TENM3: variants seen among roughly 807,000 people sequenced by gnomAD.
TENM3 encodes the protein teneurin-3.
TENM3 carries 63 observed loss-of-function variants against 255.1 expected under a neutral mutation model. The observed-to-expected ratio is 0.25, with a 90% CI of 0.20 to 0.30. The LOEUF is 0.30. Among genes scored for constraint, TENM3 ranks in the 10% least tolerant of loss-of-function variants. The pLI, the probability that TENM3 is intolerant of heterozygous loss-of-function variation, is 1.00. For missense variants in TENM3, 2,929 were observed against 3,461.1 expected (o/e 0.85, Z 3.86); for synonymous variants, 1,306 against 1,322.3 (o/e 0.99, Z 0.27).
intron 1 of TENM3, among the ~76,000 whole-genome samples, chr4:182,283,685 C>T (rs1760541786): frequency 1.3e-5 from 2 of 152,134 alleles, no homozygotes; most frequent in South Asian, 2.1e-4. Context: ...TAAAAAGAAG[C>T]GAATCCTTTG....
intron 1 of TENM3, among the ~76,000 whole-genome samples, chr4:182,197,934 G>A (rs1579679657): frequency 6.6e-6 from 1 of 152,136 alleles, no homozygotes; most frequent in Admixed American, 6.5e-5. Context: ...GTGAACCTGC[G>A]TCTCTACTAA....
chr4:181,618,980 C>A, the TENM3 span, among the ~76,000 whole-genome samples: 1 of 152,320 alleles, frequency 6.6e-6, no homozygotes, highest in Admixed American at 6.5e-5. Flanking sequence ...TGCTTGGCAT[C>A]CTGGAAGGCT....
At chr4:182,095,116 G>A in the TENM3 span, among the ~76,000 whole-genome samples, 4 of 152,168 alleles carry the variant, frequency 2.6e-5, no homozygotes, top group African/African-American at 4.8e-5. Context: ...AAACAGTATG[G>A]AGATTCCTCA....
chr4:182,773,292 A>G (rs979189145), intron 22 of TENM3, among the ~76,000 whole-genome samples, 180 bp from the exon 23 acceptor site: 4 of 152,158 alleles, frequency 2.6e-5, no homozygotes, highest in African/African-American at 9.7e-5. Context: ...AGGTTTTTCT[A>G]TGTTAAACGG....
intron 3 of TENM3, among the ~76,000 whole-genome samples, chr4:182,502,013 G>C (rs1480844520): frequency 6.6e-6 from 1 of 152,072 alleles, no homozygotes; most frequent in African/African-American, 2.4e-5. Context: ...GAAACCACTT[G>C]TGTGAAATCA....
chr4:181,842,104 T>C, the TENM3 span, among the ~76,000 whole-genome samples: 1 of 152,168 alleles, frequency 6.6e-6, no homozygotes, highest in South Asian at 2.1e-4. Flanking sequence ...TCTGATAACA[T>C]TTATAAGCAT....
In TENM3 at chr4:182,233,480, G is replaced by A. The variant is rs566282674; in HGVS notation, c.-76+88726G>A. 1.0e-3 allele frequency among the ~76,000 whole-genome samples: 159 copies of A among 152,332 alleles called. 2 individuals carry two copies. The highest frequency in any genetic ancestry group is 3.6e-3 in the African/African-American group (148 of 41,576). Reference sequence around the variant, plus strand: ...CAAATTTCTGAAATGCAACCTGTTCGTAAGTTGTGGCTTGCCTGCATTTAA... The same window carrying A: ...CAAATTTCTGAAATGCAACCTGTTCATAAGTTGTGGCTTGCCTGCATTTAA... On this transcript the variant is annotated intron_variant, in intron 1 of 2. Coordinates refer to the TENM3 transcript ENST00000512480.
rs530935847 is a variant in TENM3, at chr4:182,287,563, A to G, written c.-75-36383A>G. On this transcript the variant is annotated intron_variant, in intron 1 of 27. Transcript: ENST00000511685. Reference sequence around the variant, plus strand: ...ACAAGTAGTTGTCCTCTCCTCAACAATCCCTTTATTTCCTAGTACACTTTT... The same window carrying G: ...ACAAGTAGTTGTCCTCTCCTCAACAGTCCCTTTATTTCCTAGTACACTTTT... Among the ~76,000 whole-genome samples, 25 of 152,018 alleles carry G rather than the reference A, an allele frequency of 1.6e-4. No individual in the cohort carries two copies. In the South Asian group the frequency reaches 4.2e-3, roughly 25 times the overall value.
intron 6 of TENM3, among the ~76,000 whole-genome samples, chr4:182,658,104 T>G (rs781106963): frequency 4.6e-5 from 7 of 152,220 alleles, no homozygotes; most frequent in Non-Finnish European, 1.0e-4. Context: ...TCACTGAAAC[T>G]GATGTCTCCA....
intron 3 of TENM3, among the ~76,000 whole-genome samples, chr4:182,423,913 T>C (rs1030154078): frequency 1.3e-5 from 2 of 152,182 alleles, no homozygotes; most frequent in African/African-American, 2.4e-5. Context: ...CACCAGATTG[T>C]ACTTAATGAA....
chr4:181,894,032 GA>G, the TENM3 span, among the ~76,000 whole-genome samples: 5,833 of 146,260 alleles, frequency 0.04, 384 homozygotes, highest in African/African-American at 0.14. Flanking sequence ...TTGAGAAGTT[GA>G]AAAAAAAAAA....
At chr4:182,708,010 T>C (rs564342616) in intron 12 of TENM3, 6 of 151,954 alleles carry the variant, frequency 3.9e-5, no homozygotes, top group East Asian at 3.9e-4. Context: ...TCTTTTTTTT[T>C]CTAAATCTCC....
At chr4:181,538,730 T>C in the TENM3 span, among the ~76,000 whole-genome samples, 2 of 152,216 alleles carry the variant, frequency 1.3e-5, no homozygotes, top group African/African-American at 4.8e-5. Context: ...AGAACTGCAC[T>C]GTGGCTGTTT....
intron 1 of TENM3, among the ~76,000 whole-genome samples, chr4:182,312,566 A>G (rs1334427866): frequency 6.6e-6 from 1 of 152,240 alleles, no homozygotes. Flanking sequence ...CGGATACCAC[A>G]GTATTATCTG....
rs1554066038 is a variant in TENM3, at chr4:182,432,849, G to GTGTGTGTGTGTGTGTGTGT, written c.511+85920_511+85921insTGTGTGTGTGTGTGTGTGT. Among the ~76,000 whole-genome samples the GTGTGTGTGTGTGTGTGTGT allele has an allele frequency of 3.8e-4, 55 of 143,076 alleles. 2 individuals carry two copies. Among genetic ancestry groups the GTGTGTGTGTGTGTGTGTGT allele is most frequent in the East Asian group, 3.1e-3 (15 of 4,846 alleles). 93.9% of individuals were successfully genotyped at this position (143,076 alleles called of 152,430 possible). On this transcript the variant is annotated intron_variant, in intron 3 of 27. Transcript: ENST00000511685. ...AATTTTTCATCAGGGAATGGATTTG[G>GTGTGTGTGTGTGTGTGTGT]GTGTGTGTGTGTGTGTTTTAGTAGA...
the TENM3 span, among the ~76,000 whole-genome samples, chr4:182,001,590 T>C: frequency 6.6e-6 from 1 of 152,252 alleles, no homozygotes; most frequent in African/African-American, 2.4e-5. Context: ...TAGTAAATTA[T>C]AGCTTCCATC....
the TENM3 span, among the ~76,000 whole-genome samples, chr4:181,754,928 C>T: frequency 1.3e-5 from 2 of 152,078 alleles, no homozygotes; most frequent in Admixed American, 1.3e-4. Context: ...TTATTGTTAC[C>T]TTTCCAAAGA....
chr4:182,559,765 A>C (rs1156904397), intron 3 of TENM3, among the ~76,000 whole-genome samples: 1 of 152,142 alleles, frequency 6.6e-6, no homozygotes, highest in Non-Finnish European at 1.5e-5. Context: ...TGGATAATTA[A>C]GAATCCTTCT....
chr4:181,715,544 T>C, the TENM3 span, among the ~76,000 whole-genome samples: 2 of 152,240 alleles, frequency 1.3e-5, no homozygotes, highest in African/African-American at 4.8e-5. Flanking sequence ...TCTTTAATAA[T>C]TCAAGACAAA....
Sources: gnomAD v4.1 joint callset for allele counts (sites outside exome capture counted in the v4.1 genomes callset) on GRCh38, gnomAD v4.1.1 for gene constraint, MANE v1.5 for transcripts, NCBI Gene and HGNC (gene_info 2026-07-23, HGNC 2026-07-21) for gene names.